The following RNF152 variants were observed in gnomAD, a reference collection of about 807,000 sequenced individuals.
The protein encoded by RNF152 is E3 ubiquitin-protein ligase RNF152.
In RNF152, 11 loss-of-function variants were observed where a neutral mutation model predicts 12.7. That is an observed-to-expected ratio of 0.86 (90% CI 0.54 to 1.43). The LOEUF (loss-of-function observed/expected upper bound fraction) is 1.43. Among genes scored for constraint, RNF152 ranks in the 40% most tolerant of loss-of-function variants. The pLI is 0.00. For missense variants in RNF152, 255 were observed against 274.8 expected (o/e 0.93, Z 0.51); for synonymous variants, 113 against 120.3 (o/e 0.94, Z 0.40).
rs117509918 is a variant in RNF152 at position 61,885,723 on chromosome 18, A to G, written c.-136+7072T>C. Among the ~76,000 whole-genome samples, 100 of 152,326 alleles carry G rather than the reference A, an allele frequency of 6.6e-4. 3 individuals are homozygous for G. In the East Asian group the frequency reaches 0.018, roughly 28 times the overall value. On this transcript the variant is annotated intron_variant, in intron 1 of 1. Transcript: ENST00000312828. The stretch of plus-strand genomic sequence containing the variant: ...GATCAAGCATTTTGAGTATCAAAGA[A>G]GAGTTTCTATCATGTGAATGAGTAT...
Position 61,839,578 on chromosome 18 carries a change from T to C in RNF152, c.-135-22980A>G, listed in dbSNP as rs572959227. Among the ~76,000 whole-genome samples the C allele has an allele frequency of 4.6e-5, 7 of 152,284 alleles. No homozygotes were observed. The South Asian group carries it at 1.5e-3, about 32-fold the overall frequency. On this transcript the variant is annotated intron_variant, in intron 1 of 1. Coordinates refer to ENST00000312828, the MANE Select transcript of RNF152 (RefSeq NM_173557.3). The stretch of plus-strand genomic sequence containing the variant: ...TTTGATCACCTGTCCCTCCTTGGAT[T>C]CTCCTCCTCTTTTTACATTTAAGAA...
chr18:61,874,296 G>A (rs1912122696), intron 1 of RNF152, among the ~76,000 whole-genome samples: 2 of 152,186 alleles, frequency 1.3e-5, no homozygotes, highest in Admixed American at 1.3e-4. Context: ...CTTTTGAAGA[G>A]CAGACAAATA....
intron 1 of RNF152, among the ~76,000 whole-genome samples, chr18:61,848,317 T>C (rs1231793853): frequency 6.6e-6 from 1 of 152,222 alleles, no homozygotes; most frequent in Non-Finnish European, 1.5e-5. Context: ...AAGATATCAG[T>C]GCTTCCACAA....
chr18:61,863,816 A>C (rs1911605550), intron 1 of RNF152, among the ~76,000 whole-genome samples: 1 of 152,212 alleles, frequency 6.6e-6, no homozygotes, highest in South Asian at 2.1e-4. Flanking sequence ...GACAAGAGTA[A>C]GGAAGTCAGA....
chr18:61,820,328 CACCAAAAAAAAA>C (rs1188642455), intron 1 of RNF152, among the ~76,000 whole-genome samples: 21 of 28,106 alleles, frequency 7.5e-4, no homozygotes, highest in East Asian at 7.1e-3. Context: ...GACTCCGTCT[CACCAAAAAAAAA>C]AAAAAAAAAA....
intron 1 of RNF152, among the ~76,000 whole-genome samples, chr18:61,837,802 A>C (rs1393965122): frequency 6.6e-6 from 1 of 152,198 alleles, no homozygotes; most frequent in Non-Finnish European, 1.5e-5. Flanking sequence ...TCTTGATATA[A>C]TTTCTATTTT....
At chr18:61,824,413 C>T (rs1379495432) in intron 1 of RNF152, among the ~76,000 whole-genome samples, 3 of 152,204 alleles carry the variant, frequency 2.0e-5, no homozygotes. Flanking sequence ...TGCCAGGCCA[C>T]TTATTCTATG....
chr18:61,862,384 C>T (rs568886467), intron 1 of RNF152, among the ~76,000 whole-genome samples: 5 of 152,182 alleles, frequency 3.3e-5, no homozygotes, highest in Non-Finnish European at 7.3e-5. Context: ...GATGACCATC[C>T]TGAAAAGAAC....
chr18:61,855,639 A>G (rs1037827743), intron 1 of RNF152, among the ~76,000 whole-genome samples: 2 of 152,244 alleles, frequency 1.3e-5, no homozygotes, highest in African/African-American at 4.8e-5. Flanking sequence ...GCCCCGCTGC[A>G]GCCCCTGGTG....
chr18:61,821,946 C>T (rs1441181737), intron 1 of RNF152, among the ~76,000 whole-genome samples: 1 of 152,134 alleles, frequency 6.6e-6, no homozygotes, highest in East Asian at 1.9e-4. Context: ...TCCACAAAAC[C>T]CATCCCTGGT....
At chr18:61,827,328 T>C (rs1909715616) in intron 1 of RNF152, among the ~76,000 whole-genome samples, 1 of 152,176 alleles carries the variant, frequency 6.6e-6, no homozygotes, top group Non-Finnish European at 1.5e-5. Flanking sequence ...CAGTATTCCT[T>C]CAAAATACTA....
At chr18:61,834,576 GGTCT>G (rs1910095788) in intron 1 of RNF152, among the ~76,000 whole-genome samples, 2 of 152,126 alleles carry the variant, frequency 1.3e-5, no homozygotes. Flanking sequence ...ACAGGGATCT[GGTCT>G]GTCTTGTATT....
intron 1 of RNF152, among the ~76,000 whole-genome samples, chr18:61,856,732 A>T (rs1331616410): frequency 6.6e-6 from 1 of 152,064 alleles, no homozygotes; most frequent in Non-Finnish European, 1.5e-5. Context: ...AGGCACAGAA[A>T]ATGAAAAGTG....
intron 1 of RNF152, among the ~76,000 whole-genome samples, chr18:61,853,296 CTTTT>C (rs35190141): frequency 1.6e-5 from 2 of 127,500 alleles, no homozygotes; most frequent in Non-Finnish European, 3.3e-5. Context: ...GTTCCTTGCC[CTTTT>C]TTTTTTTTTT....
chr18:61,873,670 C>T (rs1383997741), intron 1 of RNF152, among the ~76,000 whole-genome samples: 1 of 152,224 alleles, frequency 6.6e-6, no homozygotes, highest in Admixed American at 6.5e-5. Flanking sequence ...GGCCTCACAT[C>T]TTACAGCAGT....
chr18:61,877,642 G>A (rs1368084914), intron 1 of RNF152, among the ~76,000 whole-genome samples: 3 of 152,102 alleles, frequency 2.0e-5, no homozygotes, highest in Non-Finnish European at 4.4e-5. Context: ...AAAATTATTA[G>A]GGTGGTAGGA....
At chr18:61,859,880 A>AAAAAG (rs146200073) in intron 1 of RNF152, among the ~76,000 whole-genome samples, 4,583 of 151,214 alleles carry the variant, frequency 0.03, 247 homozygotes, top group African/African-American at 0.11. Context: ...ACCTCAAAGA[A>AAAAAG]AAAAGAAAAG....
At chr18:61,835,071 A>T (rs1339404904) in intron 1 of RNF152, among the ~76,000 whole-genome samples, 1 of 152,238 alleles carries the variant, frequency 6.6e-6, no homozygotes, top group East Asian at 1.9e-4. Flanking sequence ...ACTCTCAAAC[A>T]CTGCTAAATG....
chr18:61,872,952 A>G (rs1379565868), intron 1 of RNF152, among the ~76,000 whole-genome samples: 1 of 152,176 alleles, frequency 6.6e-6, no homozygotes, highest in Non-Finnish European at 1.5e-5. Flanking sequence ...GTTTCTGATA[A>G]TAGCTTCCTT....
Sources: gnomAD v4.1 joint callset for allele counts (sites outside exome capture counted in the v4.1 genomes callset) on GRCh38, gnomAD v4.1.1 for gene constraint, MANE v1.5 for transcripts, NCBI Gene and HGNC (gene_info 2026-07-23, HGNC 2026-07-21) for gene names.